The following FREM2 variants were observed in gnomAD, a reference collection of about 807,000 sequenced individuals.
FREM2 encodes the protein FRAS1 related extracellular matrix 2, also known as FRAS1-related extracellular matrix protein 2.
Under a neutral mutation model 219.9 loss-of-function variants are expected in FREM2, and 119 were observed. The observed-to-expected ratio is 0.54, with a 90% CI of 0.47 to 0.63. The LOEUF (loss-of-function observed/expected upper bound fraction) is 0.63, where lower values mean the gene tolerates loss of function less well. Ranked by LOEUF, FREM2 falls within the 30% of genes least tolerant of loss-of-function variation. The pLI is 0.00. For synonymous variants in FREM2, 1,562 were observed against 1,522.8 expected (o/e 1.03, Z -0.60); for missense variants, 4,030 against 3,993.6 (o/e 1.01, Z -0.25).
rs150328266 is a variant in FREM2 at position 38,688,364 on chromosome 13, A to G, written c.1020A>G (p.Pro340=). ...VDQFVLTALT[P]DMLAAEDAES... ...AGTTTGTACTGACGGCCCTGACCCC[A>G]GACATGCTGGCAGCCGAGGATGCTG... The change falls in exon 1 of 24, where the codon CCA becomes CCG. Residue 340 remains proline (P), a synonymous_variant. Transcript: ENST00000280481. 1.8e-5 allele frequency: 29 copies of G among 1,614,036 alleles called. No individual in the cohort carries two copies. The highest frequency in any genetic ancestry group is 2.4e-5 in the Non-Finnish European group (28 of 1,180,004).
intron 4 of FREM2, among the ~76,000 whole-genome samples, chr13:38,772,976 G>C (rs757003554): frequency 1.2e-4 from 18 of 151,898 alleles, no homozygotes; most frequent in African/African-American, 3.9e-4. Flanking sequence ...GGATTACAGG[G>C]GTGAGCCACC....
rs186545888 is a variant in FREM2 at position 38,773,264 on chromosome 13, C to T, written c.5641+3456C>T. Among the ~76,000 whole-genome samples, 168 of 152,266 alleles carry T rather than the reference C, an allele frequency of 1.1e-3. 1 individual carries two copies. The highest frequency in any genetic ancestry group is 3.6e-3 in the African/African-American group (149 of 41,550). On this transcript the variant is annotated intron_variant, in intron 4 of 23. Coordinates refer to ENST00000280481, the MANE Select transcript of FREM2 (RefSeq NM_207361.6). ...TGGATATACTGTAATACCTCACCCCCTGCCCCCATGCCTCCAAGTGTCTGT... is the reference window on the plus strand; with the variant it reads ...TGGATATACTGTAATACCTCACCCCTTGCCCCCATGCCTCCAAGTGTCTGT...
At chr13:38,725,949 G>C (rs1871502665) in intron 2 of FREM2, among the ~76,000 whole-genome samples, 1 of 152,162 alleles carries the variant, frequency 6.6e-6, no homozygotes, top group Non-Finnish European at 1.5e-5. Flanking sequence ...CAAAAAATCT[G>C]AGCCTGTTTT....
At chr13:38,753,881 T>C (rs1224867436) in intron 2 of FREM2, among the ~76,000 whole-genome samples, 1 of 152,214 alleles carries the variant, frequency 6.6e-6, no homozygotes, top group African/African-American at 2.4e-5. Flanking sequence ...AAACTCTAGG[T>C]GAGGGGATGT....
At position 38,848,520 on chromosome 13, in the gene FREM2, C is replaced by T; in HGVS notation, c.6229C>T (p.Gln2077Ter). 1 of 1,614,016 alleles carries T rather than the reference C, an allele frequency of 6.2e-7. No homozygotes were observed. The highest frequency in any genetic ancestry group is 8.5e-7 in the Non-Finnish European group (1 of 1,179,928). The change falls in exon 8 of 24, where the codon CAG becomes TAG. Residue 2077 changes from glutamine to a stop codon, truncating the protein, a stop_gained. Coordinates refer to ENST00000280481, the MANE Select transcript of FREM2 (RefSeq NM_207361.6). LOFTEE classifies it high-confidence loss of function. ...NLDFAPGVNM[Q>*]PVRVVILDDL... Reference sequence around the variant, plus strand: ...AGATTTTGCACCTGGAGTCAACATGCAGCCTGTTCGTGTTGTCATTCTGGA... The same window carrying T: ...AGATTTTGCACCTGGAGTCAACATGTAGCCTGTTCGTGTTGTCATTCTGGA...
chr13:38,783,209 C>T lies in FREM2; in HGVS notation c.5767+14C>T. The T allele has an allele frequency of 6.2e-7, 1 of 1,613,740 alleles. No individual in the cohort carries two copies. Among genetic ancestry groups the T allele is most frequent in the Non-Finnish European group, 8.5e-7 (1 of 1,179,782 alleles). On this transcript the variant is annotated intron_variant, in intron 5 of 23. Transcript: ENST00000280481. ...ATACCCAACAAGGTAGCTCGATTTG[C>T]CGAAAAACTAAGATAACCCCCAAAA...
chr13:38,826,718 A>C (rs899900828), intron 6 of FREM2, among the ~76,000 whole-genome samples: 1 of 152,128 alleles, frequency 6.6e-6, no homozygotes, highest in South Asian at 2.1e-4. Flanking sequence ...GGAATTCCCA[A>C]ATAAATCACC....
At chr13:38,776,037 C>A (rs1239817600) in intron 4 of FREM2, among the ~76,000 whole-genome samples, 1 of 152,196 alleles carries the variant, frequency 6.6e-6, no homozygotes, top group Non-Finnish European at 1.5e-5. Flanking sequence ...GGTATGTTTA[C>A]ATTACTTTAT....
chr13:38,687,902 G>T lies in FREM2; in HGVS notation c.558G>T (p.Leu186Phe). ...AGCTGGAGGTTGTGACTCGGAACTT[G>T]CCTCTGGTCGTGGAAGAGCTGCTGG... ...FTQLEVVTRNLPLVVEELLGT... is the reference protein window; with the variant it reads ...FTQLEVVTRNFPLVVEELLGT... The change falls in exon 1 of 24, where the codon TTG becomes TTT. Residue 186 changes from leucine (L) to phenylalanine (F), a missense_variant. By Grantham distance (22) the Leu-to-Phe change is conservative. Transcript: ENST00000280481. 2 of 1,590,790 alleles carry T rather than the reference G, an allele frequency of 1.3e-6. No individual in the cohort carries two copies. Among genetic ancestry groups the T allele is most frequent in the South Asian group, 1.1e-5 (1 of 88,622 alleles).
intron 6 of FREM2, among the ~76,000 whole-genome samples, chr13:38,785,498 A>C (rs1875248214): frequency 6.6e-6 from 1 of 152,204 alleles, no homozygotes; most frequent in African/African-American, 2.4e-5. Context: ...GGACACCCTA[A>C]CCCTGGGCTG....
Position 38,692,040 on chromosome 13 carries a change from A to G in FREM2, c.4696A>G (p.Lys1566Glu). Reference protein sequence around the residue: ...LTVEDRDTPDKLLKFTITQVP... With the variant: ...LTVEDRDTPDELLKFTITQVP... ...TGTCGAAGACAGAGATACTCCTGAC[A>G]AGCTCCTGAAATTCACTATCACCCA... Residue 1566 changes from lysine (K) to glutamate (E), a missense_variant, in exon 1 of 24, where the codon AAG becomes GAG. Lys to Glu is a moderately conservative substitution (Grantham distance 56, BLOSUM62 1). This residue lies in a region of FREM2 where 3,102 missense variants were observed against 2,950.7 expected (regional missense o/e 1.05). Coordinates refer to ENST00000280481, the MANE Select transcript of FREM2 (RefSeq NM_207361.6). The G allele has an allele frequency of 1.2e-6, 2 of 1,614,168 alleles. No individual in the cohort carries two copies. The highest frequency in any genetic ancestry group is 2.2e-5 in the East Asian group (1 of 44,878).
intron 2 of FREM2, among the ~76,000 whole-genome samples, chr13:38,725,879 A>C (rs1446378175): frequency 6.6e-6 from 1 of 152,206 alleles, no homozygotes; most frequent in Non-Finnish European, 1.5e-5. Context: ...AGGCATGTCA[A>C]GATGGCGATG....
At chr13:38,851,910 A>G (rs746172413) in intron 11 of FREM2, 42 bp downstream of exon 11, 1 of 1,553,510 alleles carries the variant, frequency 6.4e-7, no homozygotes, top group South Asian at 1.1e-5. Flanking sequence ...GATCATGCCA[A>G]CTCTGTGTTT....
rs150364221 is a variant in FREM2, at chr13:38,880,489, G to A, written c.9212G>A (p.Arg3071Gln). 2.6e-5 allele frequency: 42 copies of A among 1,613,940 alleles called. No homozygotes were observed. The highest frequency in any genetic ancestry group is 9.3e-5 in the African/African-American group (7 of 74,890). ...TGGGAGATTGGTGCTGAAAACAGTCGAGGAACAAACATCCAGCACATTGCC... is the reference window on the plus strand; with the variant it reads ...TGGGAGATTGGTGCTGAAAACAGTCAAGGAACAAACATCCAGCACATTGCC... ...LAWEIGAENS[R>Q]GTNIQHIALD... The change falls in exon 24 of 24, where the codon CGA becomes CAA. Residue 3071 changes from arginine to glutamine, a missense_variant. By Grantham distance (43) the Arg-to-Gln change is conservative. Around this residue, in one of 2 missense-constraint regions of FREM2, gnomAD observed 928 missense variants for 1,042.9 expected, o/e 0.89. Transcript: ENST00000280481.
intron 6 of FREM2, among the ~76,000 whole-genome samples, chr13:38,816,315 T>C (rs372985003): frequency 9.2e-5 from 14 of 152,118 alleles, no homozygotes; most frequent in African/African-American, 2.9e-4. Context: ...CCAGTGAACA[T>C]AGATGTGAAA....
At chr13:38,769,138 C>A (rs1421132223) in intron 3 of FREM2, among the ~76,000 whole-genome samples, 2 of 152,120 alleles carry the variant, frequency 1.3e-5, no homozygotes, top group East Asian at 1.9e-4. Flanking sequence ...TCAGAGAATT[C>A]TTTCATGGAG....
intron 6 of FREM2, among the ~76,000 whole-genome samples, chr13:38,839,827 G>A (rs1013609655): frequency 3.9e-5 from 6 of 152,278 alleles, no homozygotes; most frequent in African/African-American, 1.4e-4. Context: ...AAGTGTCCCA[G>A]GTTGACTTCA....
intron 6 of FREM2, among the ~76,000 whole-genome samples, chr13:38,836,716 T>C (rs1324788749): frequency 6.6e-6 from 1 of 152,140 alleles, no homozygotes; most frequent in Non-Finnish European, 1.5e-5. Flanking sequence ...TCCTAGATTT[T>C]CTAGTTTATT....
intron 3 of FREM2, among the ~76,000 whole-genome samples, chr13:38,767,756 C>CTGT (rs1217273031): frequency 6.6e-6 from 1 of 152,162 alleles, no homozygotes; most frequent in Admixed American, 6.5e-5. Context: ...AGGAAGTCTA[C>CTGT]AGCATTCAAC....
Sources: allele counts gnomAD v4.1 joint callset (sites outside exome capture counted in the v4.1 genomes callset), GRCh38; gene constraint gnomAD v4.1.1; regional missense constraint gnomAD v4.1.1; transcripts MANE v1.5; gene names NCBI Gene and HGNC (gene_info 2026-07-23, HGNC 2026-07-21).